The following SMG6 variants were observed in gnomAD, a reference collection of about 807,000 sequenced individuals.
SMG6 encodes SMG6 nonsense mediated mRNA decay factor.
SMG6 carries 66 observed loss-of-function variants against 142.2 expected under a neutral mutation model. The ratio of observed to expected loss-of-function variants is 0.46; its 90% CI spans 0.38 to 0.57. The LOEUF is 0.57. Among genes scored for constraint, SMG6 ranks in the 20% least tolerant of loss-of-function variants. The pLI, the probability that SMG6 is intolerant of heterozygous loss-of-function variation, is 0.00. For missense variants in SMG6, 1,793 were observed against 1,832.0 expected (o/e 0.98, Z 0.39); for synonymous variants, 779 against 702.4 (o/e 1.11, Z -1.72).
intron 13 of SMG6, among the ~76,000 whole-genome samples, chr17:2,113,555 G>T (rs996925880): frequency 2.0e-5 from 3 of 152,180 alleles, no homozygotes; most frequent in African/African-American, 7.2e-5. Flanking sequence ...GGGTCTCTGG[G>T]TTATCAGGAC....
intron 12 of SMG6, among the ~76,000 whole-genome samples, chr17:2,184,686 G>A (rs1315793269): frequency 2.9e-5 from 4 of 137,234 alleles, no homozygotes; most frequent in African/African-American, 1.1e-4. Context: ...AAAAAGGCTG[G>A]GTACGGTGGT....
chr17:2,117,467 ACAT>A (rs1264160886), intron 13 of SMG6, among the ~76,000 whole-genome samples: 2 of 152,254 alleles, frequency 1.3e-5, no homozygotes, highest in Non-Finnish European at 2.9e-5. Context: ...ATTGAAGGAT[ACAT>A]CAATATACAA....
intron 15 of SMG6, among the ~76,000 whole-genome samples, chr17:2,075,801 C>T (rs540285270): frequency 4.6e-5 from 7 of 152,228 alleles, no homozygotes; most frequent in South Asian, 2.1e-4. Context: ...TGGGCTGAGC[C>T]GGAGAGTGTG....
chr17:2,123,774 G>C lies in SMG6; in HGVS notation c.3358-37873C>G, dbSNP rs190410589. Among the ~76,000 whole-genome samples, 417 of 147,768 alleles carry C rather than the reference G, an allele frequency of 2.8e-3. 4 individuals are homozygous for C. Among genetic ancestry groups the C allele is most frequent in the Admixed American group, 8.8e-3 (131 of 14,924 alleles). ...ATCTTGGATGGAGTGCAGAGGAGGAGTGTGTTTGTGTATATGTTTGTGCTC... is the reference window on the plus strand; with the variant it reads ...ATCTTGGATGGAGTGCAGAGGAGGACTGTGTTTGTGTATATGTTTGTGCTC... On this transcript the variant is annotated intron_variant, in intron 13 of 18. Coordinates refer to ENST00000263073, the MANE Select transcript of SMG6 (RefSeq NM_017575.5).
At chr17:2,297,416 A>T in intron 3 of SMG6, 63 bp from the exon 4 acceptor site, 1 of 1,209,490 alleles carries the variant, frequency 8.3e-7, no homozygotes, top group Non-Finnish European at 1.2e-6. Context: ...TCCACCAAAA[A>T]CCGGGGCAGA....
chr17:2,081,871 G>A lies in SMG6; in HGVS notation c.3620C>T (p.Ala1207Val), dbSNP rs1177913652. ...CTTCCTGGCCAGAGCCAGCTTCTTGGCCCGAAGCTCCCTGATGTCATCCTC... is the reference window on the plus strand; with the variant it reads ...CTTCCTGGCCAGAGCCAGCTTCTTGACCCGAAGCTCCCTGATGTCATCCTC... ...GGEDDIRELR[A>V]KKLALARKIA... The change falls in exon 15 of 19, where the codon GCC becomes GTC. Residue 1207 changes from alanine to valine, a missense_variant. Ala to Val is a moderately conservative substitution (Grantham distance 64). Coordinates refer to ENST00000263073, the MANE Select transcript of SMG6 (RefSeq NM_017575.5). 1.9e-6 allele frequency: 3 copies of A among 1,613,950 alleles called. No homozygotes were observed. In the African/African-American group the frequency reaches 4.0e-5, roughly 22 times the overall value.
chr17:2,116,099 C>T lies in SMG6; in HGVS notation c.3358-30198G>A, dbSNP rs1597409282. ...CATTTATTTATTTTTGAGACAGGAT[C>T]TCGCTGTGTTGCCCAGGCTAGAGTG... On this transcript the variant is annotated intron_variant, in intron 13 of 18. Coordinates refer to ENST00000263073, the MANE Select transcript of SMG6 (RefSeq NM_017575.5). Among the ~76,000 whole-genome samples the T allele has an allele frequency of 2.0e-5, 3 of 152,230 alleles. No individual in the cohort carries two copies. In the East Asian group the frequency reaches 5.8e-4, roughly 29 times the overall value.
At chr17:2,179,429 C>T (rs1017858098) in intron 12 of SMG6, among the ~76,000 whole-genome samples, 2 of 152,124 alleles carry the variant, frequency 1.3e-5, no homozygotes, top group Non-Finnish European at 2.9e-5. Flanking sequence ...TGGAAGCTCC[C>T]TAAGGAAGTC....
At chr17:2,123,630 C>T (rs1217121190) in intron 13 of SMG6, among the ~76,000 whole-genome samples, 2 of 152,156 alleles carry the variant, frequency 1.3e-5, no homozygotes, top group African/African-American at 2.4e-5. Flanking sequence ...AAAGGGAAGT[C>T]GAGCTCTCAT....
chr17:2,222,883 G>T (rs1215140727), intron 10 of SMG6, among the ~76,000 whole-genome samples: 2 of 152,142 alleles, frequency 1.3e-5, no homozygotes, highest in South Asian at 4.2e-4. Flanking sequence ...TCCCTAGCAG[G>T]CATCTGAAAA....
intron 13 of SMG6, among the ~76,000 whole-genome samples, chr17:2,088,921 T>C (rs1232054108): frequency 6.6e-6 from 1 of 152,210 alleles, no homozygotes; most frequent in Non-Finnish European, 1.5e-5. Flanking sequence ...AATATTCTCC[T>C]AGACAAAGCC....
At chr17:2,090,170 G>A (rs1386434133) in intron 13 of SMG6, among the ~76,000 whole-genome samples, 8 of 129,580 alleles carry the variant, frequency 6.2e-5, no homozygotes, top group African/African-American at 9.0e-5. Context: ...GCAACAAGGC[G>A]AGACTCTGTC....
chr17:2,180,538 G>A (rs995629777), intron 12 of SMG6, among the ~76,000 whole-genome samples: 4 of 152,146 alleles, frequency 2.6e-5, no homozygotes, highest in African/African-American at 9.7e-5. Context: ...CAGTGCCAAC[G>A]ATACTCTCAT....
chr17:2,279,684 T>G (rs1258841088), intron 8 of SMG6, among the ~76,000 whole-genome samples: 1 of 152,064 alleles, frequency 6.6e-6, no homozygotes, highest in Non-Finnish European at 1.5e-5. Flanking sequence ...AGTATCCACC[T>G]CCTAATACCA....
chr17:2,232,701 A>AG (rs1419913528), intron 10 of SMG6: 1 of 152,122 alleles, frequency 6.6e-6, no homozygotes, highest in Non-Finnish European at 1.5e-5. Flanking sequence ...GAGGAGATCA[A>AG]GGTCTCTCCA....
intron 13 of SMG6, among the ~76,000 whole-genome samples, chr17:2,172,196 T>C (rs779726937): frequency 2.6e-5 from 4 of 152,092 alleles, no homozygotes; most frequent in Non-Finnish European, 5.9e-5. Context: ...AGTTTTTTTT[T>C]CTAAGTTAAC....
At chr17:2,232,335 T>C (rs2073521103) in intron 10 of SMG6, among the ~76,000 whole-genome samples, 1 of 152,206 alleles carries the variant, frequency 6.6e-6, no homozygotes, top group Non-Finnish European at 1.5e-5. Flanking sequence ...AAGTGTTAAA[T>C]ACGGAGGCAC....
At chr17:2,223,342 T>C (rs1315526838) in intron 10 of SMG6, among the ~76,000 whole-genome samples, 1 of 152,176 alleles carries the variant, frequency 6.6e-6, no homozygotes, top group East Asian at 1.9e-4. Context: ...CACGCGCATA[T>C]TTTCTGAACA....
At chr17:2,279,813 T>G (rs1302076782) in intron 8 of SMG6, among the ~76,000 whole-genome samples, 3 of 152,164 alleles carry the variant, frequency 2.0e-5, no homozygotes, top group African/African-American at 7.2e-5. Context: ...TCGCAGTTCC[T>G]GAAGCCTCCA....
Sources: gnomAD v4.1 joint callset for allele counts (sites outside exome capture counted in the v4.1 genomes callset) on GRCh38, gnomAD v4.1.1 for gene constraint, MANE v1.5 for transcripts, NCBI Gene and HGNC (gene_info 2026-07-23, HGNC 2026-07-21) for gene names.